EIF5B: variants seen among roughly 807,000 people sequenced by gnomAD.
EIF5B encodes the protein eukaryotic translation initiation factor 5B.
A neutral mutation model predicts 147.5 loss-of-function variants in EIF5B; 47 were observed. That is an observed-to-expected ratio of 0.32 (90% CI 0.25 to 0.41). EIF5B has a LOEUF of 0.41. EIF5B is among the 10% of genes least tolerant of loss of function. The pLI is 1.00. For synonymous variants in EIF5B, 455 were observed against 456.2 expected, an observed-to-expected ratio of 1.00 and a Z score of 0.03; for missense variants, 1,064 against 1,413.2, an observed-to-expected ratio of 0.75 and a Z score of 3.96.
At chr2:99,367,431 C>CTTTTTTT (rs139007055) in intron 6 of EIF5B, among the ~76,000 whole-genome samples, 2 of 143,758 alleles carry the variant, frequency 1.4e-5, no homozygotes, top group Non-Finnish European at 3.0e-5. Context: ...AGTTGAAACT[C>CTTTTTTT]TTTTTTTTTT....
chr2:99,350,090 A>G (rs1158642504), intron 1 of EIF5B, among the ~76,000 whole-genome samples: 1 of 152,184 alleles, frequency 6.6e-6, no homozygotes, highest in Admixed American at 6.5e-5. Flanking sequence ...ATTACATCCA[A>G]GTTCATATGT....
intron 1 of EIF5B, among the ~76,000 whole-genome samples, chr2:99,342,205 T>C (rs2094261279): frequency 6.6e-6 from 1 of 152,254 alleles, no homozygotes; most frequent in Non-Finnish European, 1.5e-5. Flanking sequence ...GTTAATGTTC[T>C]TGATATTTTA....
At chr2:99,344,398 C>T (rs1450472944) in intron 1 of EIF5B, among the ~76,000 whole-genome samples, 2 of 145,070 alleles carry the variant, frequency 1.4e-5, no homozygotes, top group Non-Finnish European at 3.1e-5. Context: ...AGTGTTGCCA[C>T]CACAGTTTGT....
intron 1 of EIF5B, among the ~76,000 whole-genome samples, chr2:99,342,683 G>A (rs2094262692): frequency 6.6e-6 from 1 of 151,876 alleles, no homozygotes. Context: ...CCAGGCTAGA[G>A]TGCAATGGTG....
rs1340318173 is a variant in EIF5B at position 99,371,639 on chromosome 2, C to A, written c.1478-17C>A. The A allele has an allele frequency of 6.2e-7, 1 of 1,604,474 alleles. No homozygotes were observed. The highest frequency in any genetic ancestry group is 1.7e-5 in the Admixed American group (1 of 58,734). On this transcript the variant is annotated splice_polypyrimidine_tract_variant and intron_variant, in intron 8 of 23. Transcript: ENST00000289371. ...CTAAATAATTTTTGTGTCTTAAATG[C>A]AAATTTTTACTTACAGAAGAAGAAG...
chr2:99,396,325 G>A (rs1459922382), intron 21 of EIF5B, among the ~76,000 whole-genome samples: 1 of 152,188 alleles, frequency 6.6e-6, no homozygotes, highest in East Asian at 1.9e-4. Flanking sequence ...GAAAAGGAGG[G>A]TGATAATACG....
rs766204310 is a variant in EIF5B at position 99,393,115 on chromosome 2, A to C, written c.2880+17A>C. ...GTTCTTAAAGTAAGTTCATTTAAAA[A>C]TTTTTTTCCTTAAAAGCTATTTGAG... is the stretch of plus-strand genomic sequence containing the variant. On this transcript the variant is annotated intron_variant, in intron 18 of 23. Transcript: ENST00000289371. 31 of 1,503,516 alleles carry C rather than the reference A, an allele frequency of 2.1e-5. No individual in the cohort carries two copies. Among genetic ancestry groups the C allele is most frequent in the Non-Finnish European group, 2.7e-5 (30 of 1,123,810 alleles). The allele number at this position is 1,503,516 out of a possible 1,614,324, so 93.1% of individuals were successfully genotyped here. A position where few individuals can be genotyped will look rare whatever the true frequency, so the allele number is the denominator to read the frequency against.
intron 1 of EIF5B, among the ~76,000 whole-genome samples, chr2:99,348,772 T>C (rs995402405): frequency 4.6e-5 from 7 of 152,210 alleles, no homozygotes; most frequent in African/African-American, 1.4e-4. Context: ...TCCATCAACT[T>C]GGGGATGGGG....
At chr2:99,366,542 G>T (rs1922626) in intron 6 of EIF5B, among the ~76,000 whole-genome samples, 140,359 of 152,306 alleles carry the variant, frequency 0.92, 64,917 homozygotes, top group Middle Eastern at 1. Flanking sequence ...ACATTCCTAC[G>T]TTAGAGATAA....
chr2:99,353,189 A>G (rs1302738589), intron 1 of EIF5B, among the ~76,000 whole-genome samples: 2 of 150,738 alleles, frequency 1.3e-5, no homozygotes, highest in Non-Finnish European at 3.0e-5. Flanking sequence ...TAATTTTTGT[A>G]TTTTTAGTAA....
intron 10 of EIF5B, among the ~76,000 whole-genome samples, chr2:99,377,604 G>T (rs552757424): frequency 3.2e-4 from 49 of 152,040 alleles, no homozygotes; most frequent in African/African-American, 1.2e-3. Context: ...TGGAATATCT[G>T]TACTGTGCTT....
intron 6 of EIF5B, 41 bp from the exon 7 acceptor site, chr2:99,368,452 C>A (rs770505783): frequency 1.4e-6 from 2 of 1,414,346 alleles, no homozygotes; most frequent in Non-Finnish European, 2.0e-6. Flanking sequence ...AGGTGACATG[C>A]AAGTAGTATA....
chr2:99,367,505 C>T (rs1674353906), intron 6 of EIF5B, among the ~76,000 whole-genome samples: 1 of 151,204 alleles, frequency 6.6e-6, no homozygotes, highest in African/African-American at 2.4e-5. Flanking sequence ...GGCGCAATCT[C>T]AGCCCACTGC....
chr2:99,355,540 A>AATAACTAT (rs1446481382), intron 1 of EIF5B, among the ~76,000 whole-genome samples: 1 of 151,410 alleles, frequency 6.6e-6, no homozygotes, highest in African/African-American at 2.4e-5. Flanking sequence ...CTTTCTTTGG[A>AATAACTAT]ATAACTATAA....
In EIF5B at chr2:99,364,309, A is replaced by G; in HGVS notation, c.1176A>G (p.Gln392=). The G allele has an allele frequency of 6.2e-7, 1 of 1,606,302 alleles. No homozygotes were observed. The change falls in exon 6 of 24, where the codon CAA becomes CAG. Residue 392 remains glutamine, a synonymous_variant. Transcript: ENST00000289371. ...AAGAAAAAAGAGAAAGGAAAAAGCA[A>G]AAAGAAAAAGAAAGAAAAGAACGCT... is the stretch of plus-strand genomic sequence containing the variant. The part of the protein sequence containing the change: ...LEQEKRERKK[Q]KEKERKERLK...
At chr2:99,396,217 AG>A (rs1675042882) in intron 21 of EIF5B, among the ~76,000 whole-genome samples, 1 of 152,212 alleles carries the variant, frequency 6.6e-6, no homozygotes, top group Non-Finnish European at 1.5e-5. Context: ...CTACTTAACA[AG>A]ACTGCTGGAA....
Position 99,337,498 on chromosome 2 carries a change from G to A in EIF5B, c.-57G>A, listed in dbSNP as rs2094245692. On this transcript the variant is annotated 5_prime_UTR_variant, in exon 1 of 24. It adds an upstream start codon to the 5' untranslated region. Coordinates refer to ENST00000289371, the MANE Select transcript of EIF5B (RefSeq NM_015904.4). ...GGAGACCAAAGTCAGCCGGGAGACA[G>A]TGGGTCTGTGAGAGACCGAATAGAG... 3 of 1,593,240 alleles carry A rather than the reference G, an allele frequency of 1.9e-6. No individual in the cohort carries two copies. Among genetic ancestry groups the A allele is most frequent in the African/African-American group, 1.3e-5 (1 of 74,376 alleles).
intron 1 of EIF5B, among the ~76,000 whole-genome samples, chr2:99,344,404 T>TTTGTTGTTGTTGTTG (rs149285717): frequency 6.7e-6 from 1 of 149,414 alleles, no homozygotes; most frequent in Non-Finnish European, 1.5e-5. Context: ...GCCACCACAG[T>TTTGTTGTTGTTGTTG]TTGTTGTTGT....
At chr2:99,395,987 GGTT>G (rs1369846785) in intron 21 of EIF5B, among the ~76,000 whole-genome samples, 1 of 152,136 alleles carries the variant, frequency 6.6e-6, no homozygotes, top group African/African-American at 2.4e-5. Flanking sequence ...TGGTTAATTG[GGTT>G]GTTATGTGGA....
Sources: gnomAD v4.1 joint callset for allele counts (sites outside exome capture counted in the v4.1 genomes callset) on GRCh38, gnomAD v4.1.1 for gene constraint, MANE v1.5 for transcripts, NCBI Gene and HGNC (gene_info 2026-07-23, HGNC 2026-07-21) for gene names.